The following PTPRN2 variants were observed in gnomAD, a reference collection of about 807,000 sequenced individuals.
PTPRN2 encodes the protein receptor-type tyrosine-protein phosphatase N2.
PTPRN2 carries 74 observed loss-of-function variants against 118.8 expected under a neutral mutation model. The ratio of observed to expected loss-of-function variants is 0.62; its 90% CI spans 0.52 to 0.76. The LOEUF is 0.76. Ranked by LOEUF, PTPRN2 falls within the 30% of genes least tolerant of loss-of-function variation. The pLI, the probability that PTPRN2 is intolerant of heterozygous loss-of-function variation, is 0.00. For missense variants in PTPRN2, 1,481 were observed against 1,394.4 expected, an observed-to-expected ratio of 1.06 and a Z score of -0.99; for synonymous variants, 641 against 608.0, an observed-to-expected ratio of 1.05 and a Z score of -0.80.
rs1432858300 is a variant in PTPRN2 at position 157,813,311 on chromosome 7, G to A, written c.1788+85362C>T. Among the ~76,000 whole-genome samples, 1 of 152,150 alleles carries A rather than the reference G, an allele frequency of 6.6e-6. No individual in the cohort carries two copies. Among genetic ancestry groups the A allele is most frequent in the Non-Finnish European group, 1.5e-5 (1 of 68,032 alleles). On this transcript the variant is annotated intron_variant, in intron 12 of 22. Transcript: ENST00000389418. The surrounding 1 kb of genome is among the most constrained non-coding windows in gnomAD (Gnocchi z 4.7). ...CTGCTGTGGGGTGTGAGTCCAGCCA[G>A]TGCTGGGAAGCCGGTGTGGCTAGGA...
At chr7:157,753,307 C>G (rs552033504) in intron 12 of PTPRN2, among the ~76,000 whole-genome samples, 3 of 152,308 alleles carry the variant, frequency 2.0e-5, no homozygotes, top group Admixed American at 6.5e-5. Context: ...CACAGAGGAA[C>G]TGTGCTGTGG....
At chr7:158,134,985 C>T (rs577921375) in intron 8 of PTPRN2, among the ~76,000 whole-genome samples, 1 of 152,152 alleles carries the variant, frequency 6.6e-6, no homozygotes, top group Non-Finnish European at 1.5e-5. Context: ...ACCCCTGGGC[C>T]GCACTGCCCT....
At chr7:157,814,178 T>C (rs1201216202) in intron 12 of PTPRN2, among the ~76,000 whole-genome samples, 1 of 152,176 alleles carries the variant, frequency 6.6e-6, no homozygotes, top group African/African-American at 2.4e-5. Flanking sequence ...TTGGCCTCCA[T>C]CTTGACAGGC....
chr7:158,182,213 T>G (rs1288987491), intron 5 of PTPRN2, among the ~76,000 whole-genome samples: 1 of 152,242 alleles, frequency 6.6e-6, no homozygotes, highest in East Asian at 1.9e-4. Context: ...CATGTATTTG[T>G]GTAGTTTAAA....
At chr7:158,506,327 C>CT (rs918934492) in intron 1 of PTPRN2, among the ~76,000 whole-genome samples, 12 of 152,182 alleles carry the variant, frequency 7.9e-5, no homozygotes, top group African/African-American at 2.9e-4. Context: ...ATGGCCAAGG[C>CT]TGCGGGCTCC....
At chr7:157,863,518 A>G (rs1208150430) in intron 12 of PTPRN2, 1 of 152,220 alleles carries the variant, frequency 6.6e-6, no homozygotes, top group South Asian at 2.1e-4. Context: ...GAAACCTTAT[A>G]CCACCAACTG....
chr7:158,052,136 G>C (rs576098665), intron 11 of PTPRN2, among the ~76,000 whole-genome samples: 1 of 152,314 alleles, frequency 6.6e-6, no homozygotes, highest in East Asian at 1.9e-4. Context: ...CTGTTTCAAA[G>C]AGATTATATT....
rs1802337562 is a variant in PTPRN2, at chr7:157,611,542, A to G, written c.2345-7467T>C. On this transcript the variant is annotated intron_variant, in intron 15 of 22. Transcript: ENST00000389418. This position sits in a 1 kb window ranked among gnomAD's most constrained non-coding sequence, Gnocchi z 5.9. The stretch of plus-strand genomic sequence containing the variant: ...TGCGTACCCTCCCCCAAAAAGACAC[A>G]CTGGAGTCCCAGCCCTGGGAACATG... Among the ~76,000 whole-genome samples the G allele has an allele frequency of 6.6e-6, 1 of 152,064 alleles. No homozygotes were observed. The highest frequency in any genetic ancestry group is 2.4e-5 in the African/African-American group (1 of 41,420).
At position 157,929,942 on chromosome 7, in the gene PTPRN2, C is replaced by T. The variant is rs543497598; in HGVS notation, c.1724-31205G>A. ...GGCATGAAGCGAATTCAGTCCACATCAGCGGGTCCAAGCCTGGACCTAGAC... is the reference window on the plus strand; with the variant it reads ...GGCATGAAGCGAATTCAGTCCACATTAGCGGGTCCAAGCCTGGACCTAGAC... On this transcript the variant is annotated intron_variant, in intron 11 of 22. Coordinates refer to ENST00000389418, the MANE Select transcript of PTPRN2 (RefSeq NM_002847.5). The surrounding 1 kb of genome is among the most constrained non-coding windows in gnomAD (Gnocchi z 4.4). Among the ~76,000 whole-genome samples, 1 of 152,320 alleles carries T rather than the reference C, an allele frequency of 6.6e-6. No homozygotes were observed. The highest frequency in any genetic ancestry group is 2.1e-4 in the South Asian group (1 of 4,824).
At chr7:157,846,098 C>G (rs1560953) in intron 12 of PTPRN2, among the ~76,000 whole-genome samples, 105,043 of 151,884 alleles carry the variant, frequency 0.69, 36,660 homozygotes, top group East Asian at 0.95. Context: ...GGTGAGCCAC[C>G]CGCCAGGAAG....
chr7:157,603,865 C>T lies in PTPRN2; in HGVS notation c.2418+137G>A. ...AGGGGAGTGGCGGGAGCCCAATGGG[C>T]AGAGTCGGCCCTGTCCACCGCAGAG... On this transcript the variant is annotated intron_variant, in intron 16 of 22. Transcript: ENST00000389418. The surrounding 1 kb of genome is among the most constrained non-coding windows in gnomAD (Gnocchi z 5.4). The T allele has an allele frequency of 1.3e-6, 1 of 792,274 alleles. No homozygotes were observed. Among genetic ancestry groups the T allele is most frequent in the East Asian group, 2.7e-5 (1 of 37,190 alleles). The allele number at this position is 792,274 out of a possible 1,614,324, so 49.1% of individuals were successfully genotyped here. A position where few individuals can be genotyped will look rare whatever the true frequency, so the allele number is the denominator to read the frequency against.
chr7:157,657,183 CCA>C (rs1165874093), intron 13 of PTPRN2, among the ~76,000 whole-genome samples: 9 of 128,306 alleles, frequency 7.0e-5, no homozygotes, highest in Non-Finnish European at 9.8e-5. Context: ...CACACATATG[CCA>C]CACACACACC....
chr7:157,580,834 A>C (rs1481459505), intron 17 of PTPRN2, among the ~76,000 whole-genome samples: 159 of 36,898 alleles, frequency 4.3e-3, no homozygotes, highest in Non-Finnish European at 5.4e-3. Flanking sequence ...ACACCCCAGC[A>C]CCTGCACACC....
At chr7:157,973,310 C>A (rs1257119127) in intron 11 of PTPRN2, among the ~76,000 whole-genome samples, 1 of 151,236 alleles carries the variant, frequency 6.6e-6, no homozygotes, top group Non-Finnish European at 1.5e-5. Flanking sequence ...CCAAATAGAA[C>A]CACATAAAAC....
In PTPRN2 at chr7:157,656,452, G is replaced by T. The variant is rs930934389; in HGVS notation, c.2101C>A (p.Pro701Thr). ...CTGCGTGCGGAGGGGCTGGGGATCGGCCCGTCGCTGAACTGGGATGAGACG... is the reference window on the plus strand; with the variant it reads ...CTGCGTGCGGAGGGGCTGGGGATCGTCCCGTCGCTGAACTGGGATGAGACG... ...SSVSSQFSDG[P>T]IPSPSARSSA... Residue 701 changes from proline to threonine, a missense_variant, in exon 14 of 23, where the codon CCG (proline) becomes ACG (threonine). This residue lies in a region of PTPRN2 where 1,115 missense variants were observed against 994.2 expected (regional missense o/e 1.12). Transcript: ENST00000389418. The T allele has an allele frequency of 6.4e-7, 1 of 1,553,676 alleles. No homozygotes were observed. The highest frequency in any genetic ancestry group is 2.4e-5 in the East Asian group (1 of 41,268).
intron 12 of PTPRN2, among the ~76,000 whole-genome samples, chr7:157,757,569 C>G (rs1346219090): frequency 3.3e-5 from 5 of 151,646 alleles, no homozygotes; most frequent in Non-Finnish European, 5.9e-5. Context: ...TGTTAAGATG[C>G]AAGCACTTGG....
chr7:158,511,548 A>G (rs1057314053), intron 1 of PTPRN2, among the ~76,000 whole-genome samples: 19 of 152,258 alleles, frequency 1.2e-4, no homozygotes, highest in African/African-American at 4.3e-4. Flanking sequence ...TCCCTCCCAT[A>G]CCTGTCTCTG....
chr7:158,291,928 T>C (rs1222779608), intron 3 of PTPRN2, among the ~76,000 whole-genome samples: 1 of 152,210 alleles, frequency 6.6e-6, no homozygotes, highest in African/African-American at 2.4e-5. Flanking sequence ...CAGACATCAA[T>C]TTGTAATTAT....
intron 3 of PTPRN2, among the ~76,000 whole-genome samples, chr7:158,231,330 A>G (rs536860040): frequency 6.6e-6 from 1 of 152,340 alleles, no homozygotes; most frequent in Admixed American, 6.5e-5. Flanking sequence ...GGCTGTGCTT[A>G]TATCAGATAA....
Sources: allele counts gnomAD v4.1 joint callset (sites outside exome capture counted in the v4.1 genomes callset), GRCh38; gene constraint gnomAD v4.1.1; regional missense constraint gnomAD v4.1.1; non-coding constraint Gnocchi (gnomAD v3.1); transcripts MANE v1.5; gene names NCBI Gene and HGNC (gene_info 2026-07-23, HGNC 2026-07-21).